POLA1: variants seen among roughly 807,000 people sequenced by gnomAD.
POLA1 encodes DNA polymerase alpha catalytic subunit.
Under a neutral mutation model 124.0 loss-of-function variants are expected in POLA1, and 15 were observed. The ratio of observed to expected loss-of-function variants is 0.12; its 90% confidence interval spans 0.08 to 0.19. POLA1 has a LOEUF of 0.19. Among genes scored for constraint, POLA1 ranks in the 10% least tolerant of loss-of-function variants. POLA1 has a pLI of 1.00. For missense variants in POLA1, 886 were observed against 1,103.4 expected, an observed-to-expected ratio of 0.80 and a Z score of 2.79; for synonymous variants, 408 against 389.4, an observed-to-expected ratio of 1.05 and a Z score of -0.56.
intron 36 of POLA1, among the ~76,000 whole-genome samples, chrX:24,975,245 C>T (rs1017387307): frequency 2.8e-4 from 31 of 112,397 alleles, no homozygotes; most frequent in Non-Finnish European, 4.7e-4. Context: ...CTCCTGACCT[C>T]GTGATCCATC....
intron 36 of POLA1, among the ~76,000 whole-genome samples, chrX:24,973,833 C>T (rs2048332917): frequency 9.0e-6 from 1 of 111,291 alleles, no homozygotes; most frequent in Non-Finnish European, 1.9e-5. Context: ...GTTGGGTACC[C>T]ACCCCCACAC....
At chrX:24,713,214 C>T (rs775207954) in intron 4 of POLA1, among the ~76,000 whole-genome samples, 19 of 111,297 alleles carry the variant, frequency 1.7e-4, no homozygotes, top group Admixed American at 2.8e-4. Flanking sequence ...CTGCCTGCCT[C>T]GGCCTCCCAA....
intron 4 of POLA1, among the ~76,000 whole-genome samples, chrX:24,714,118 A>G (rs190373606): frequency 8.9e-6 from 1 of 112,553 alleles, no homozygotes; most frequent in African/African-American, 3.2e-5. Context: ...CTCATTTAAA[A>G]TATTTTTTCC....
chrX:24,972,815 G>T (rs1023889156), intron 36 of POLA1, among the ~76,000 whole-genome samples: 1 of 112,393 alleles, frequency 8.9e-6, no homozygotes, highest in South Asian at 3.7e-4. Flanking sequence ...AGAAGCTAAG[G>T]AATCTGTAAA....
chrX:24,895,652 TC>T (rs1422612688), intron 35 of POLA1, among the ~76,000 whole-genome samples: 2 of 112,178 alleles, frequency 1.8e-5, no homozygotes, highest in East Asian at 5.6e-4. Context: ...CTGTCAAATC[TC>T]CCCTTGCTGG....
intron 26 of POLA1, among the ~76,000 whole-genome samples, chrX:24,785,471 T>C (rs1048264974): frequency 8.9e-6 from 1 of 111,805 alleles, no homozygotes; most frequent in African/African-American, 3.3e-5. Context: ...AAATTCTAGA[T>C]AGGTGAAGAA....
intron 35 of POLA1, among the ~76,000 whole-genome samples, chrX:24,891,135 C>T (rs963861649): frequency 1.8e-5 from 2 of 112,280 alleles, no homozygotes; most frequent in Non-Finnish European, 3.8e-5. Context: ...TTTAGTATAT[C>T]AGGTTATCTT....
intron 26 of POLA1, among the ~76,000 whole-genome samples, chrX:24,756,314 C>T (rs1045671446): frequency 3.6e-5 from 4 of 111,046 alleles, no homozygotes; most frequent in African/African-American, 1.3e-4. Context: ...GTAATCCTAG[C>T]GCTTTGGGAG....
At chrX:24,925,653 C>T (rs1324581292) in intron 35 of POLA1, among the ~76,000 whole-genome samples, 1 of 112,357 alleles carries the variant, frequency 8.9e-6, no homozygotes, top group African/African-American at 3.2e-5. Flanking sequence ...AGCATTTCCC[C>T]TCCTCCAAAC....
chrX:24,897,876 T>C (rs2047228764), intron 35 of POLA1, among the ~76,000 whole-genome samples: 1 of 112,407 alleles, frequency 8.9e-6, no homozygotes, highest in African/African-American at 3.2e-5. Context: ...GCTTGCTGAA[T>C]AAAACATTAA....
In POLA1 at chrX:24,724,352, G is replaced by A; in HGVS notation, c.1218G>A (p.Thr406=). The A allele has an allele frequency of 9.0e-7, 1 of 1,111,382 alleles. No homozygotes were observed. The highest frequency in any genetic ancestry group is 3.0e-5 in the East Asian group (1 of 33,026). 91.6% of individuals were successfully genotyped at this position (1,111,382 alleles called of 1,213,427 possible). A position where few individuals can be genotyped will look rare whatever the true frequency, so the allele number is the denominator to read the frequency against. The change falls in exon 12 of 37, where the codon ACG becomes ACA. Residue 406 remains threonine, a synonymous_variant. Coordinates refer to ENST00000379068, the MANE Select transcript of POLA1 (RefSeq NM_001330360.2). ...GATAACAGAAAATTGATCTAAATAC[G>A]GGGAAAGAAACAGGAACTCCAATTT... ...LPREMKIDLN[T]GKETGTPISM...
In POLA1 at chrX:24,894,159, G is replaced by C. The variant is rs189559800; in HGVS notation, c.4164+6037G>C. ...TTGATAAATTGAGGAGCCCAAAACT[G>C]CGTGCAGTATTTTAGGTGCTCTCAC... On this transcript the variant is annotated intron_variant, in intron 35 of 36. Transcript: ENST00000379068. Among the ~76,000 whole-genome samples the C allele has an allele frequency of 4.6e-3, 515 of 112,068 alleles. 2 individuals carry two copies. Among genetic ancestry groups the C allele is most frequent in the African/African-American group, 0.016 (479 of 30,859 alleles).
intron 26 of POLA1, among the ~76,000 whole-genome samples, chrX:24,772,045 T>A (rs145010903): frequency 0.029 from 3,270 of 112,004 alleles, 113 homozygotes; most frequent in African/African-American, 0.098. Context: ...TTAGAGACTA[T>A]CTGGCTGTTT....
chrX:24,779,570 TG>T (rs752082479), intron 26 of POLA1, among the ~76,000 whole-genome samples: 11 of 112,114 alleles, frequency 9.8e-5, no homozygotes, highest in Non-Finnish European at 1.3e-4. Context: ...ATTCAACCTC[TG>T]CATTTTACCA....
chrX:24,823,895 G>A (rs150692059), intron 31 of POLA1, among the ~76,000 whole-genome samples: 175 of 112,801 alleles, frequency 1.6e-3, no homozygotes, highest in African/African-American at 5.4e-3. Context: ...ATTGTAGGTT[G>A]TTAGCGCATT....
chrX:24,933,008 A>G (rs1215543268), intron 36 of POLA1, among the ~76,000 whole-genome samples: 3 of 111,798 alleles, frequency 2.7e-5, no homozygotes, highest in African/African-American at 9.7e-5. Flanking sequence ...CACCTGGGGC[A>G]TATTAAAAAC....
At chrX:24,754,327 G>A (rs1308390036) in intron 26 of POLA1, among the ~76,000 whole-genome samples, 1 of 105,725 alleles carries the variant, frequency 9.5e-6, no homozygotes, top group East Asian at 2.9e-4. Flanking sequence ...GCGTGATCTC[G>A]GCTCACCACA....
At position 24,909,861 on chromosome X, in the gene POLA1, G is replaced by T. The variant is rs371305869; in HGVS notation, c.4165-20592G>T. Among the ~76,000 whole-genome samples the T allele has an allele frequency of 1.8e-4, 20 of 108,773 alleles. No homozygotes were observed. In the East Asian group the frequency reaches 2.6e-3, roughly 14 times the overall value. 94.5% of individuals were successfully genotyped at this position (108,773 alleles called of 115,157 possible). A position where few individuals can be genotyped will look rare whatever the true frequency, so the allele number is the denominator to read the frequency against. On this transcript the variant is annotated intron_variant, in intron 35 of 36. Coordinates refer to ENST00000379068, the MANE Select transcript of POLA1 (RefSeq NM_001330360.2). Reference sequence around the variant, plus strand: ...ATTTTCACGATATTGATTCTTCCTAGCCATGAGCATGGAATGTTCTTCCAT... The same window carrying T: ...ATTTTCACGATATTGATTCTTCCTATCCATGAGCATGGAATGTTCTTCCAT...
rs369570755 is a variant in POLA1, at chrX:24,704,441, A to G, written c.318A>G (p.Glu106=). The G allele has an allele frequency of 4.7e-5, 56 of 1,197,181 alleles. No homozygotes were observed. The African/African-American group carries it at 8.8e-4, about 19-fold the overall frequency. ...GAGAGATTTTTGATGATGACCTTGAAGATGATGCCCTTGATGCTGATGAGA... is the reference window on the plus strand; with the variant it reads ...GAGAGATTTTTGATGATGACCTTGAGGATGATGCCCTTGATGCTGATGAGA... ...DGREIFDDDL[E]DDALDADEKG... The change falls in exon 4 of 37, where the codon GAA becomes GAG. Residue 106 remains glutamate, a synonymous_variant. Coordinates refer to ENST00000379068, the MANE Select transcript of POLA1 (RefSeq NM_001330360.2).
Sources: allele counts gnomAD v4.1 joint callset (sites outside exome capture counted in the v4.1 genomes callset), GRCh38; gene constraint gnomAD v4.1.1; transcripts MANE v1.5; gene names NCBI Gene and HGNC (gene_info 2026-07-23, HGNC 2026-07-21).